Variants in NEDD4 observed in about 807,000 individuals in gnomAD.
The protein encoded by NEDD4 is E3 ubiquitin-protein ligase NEDD4.
NEDD4 carries 99 observed loss-of-function variants against 144.9 expected under a neutral mutation model. The observed-to-expected ratio is 0.68, with a 90% CI of 0.58 to 0.81. The LOEUF is 0.81. NEDD4 is among the 30% of genes least tolerant of loss of function. The pLI is 0.00. For missense variants in NEDD4, 985 were observed against 1,065.9 expected (o/e 0.92, Z 1.06); for synonymous variants, 318 against 350.6 (o/e 0.91, Z 1.04).
At chr15:55,894,007 T>G (rs2035656802) in intron 5 of NEDD4, among the ~76,000 whole-genome samples, 1 of 152,104 alleles carries the variant, frequency 6.6e-6, no homozygotes, top group Non-Finnish European at 1.5e-5. Context: ...AGTCAATCTT[T>G]CTATATGTCA....
intron 4 of NEDD4, among the ~76,000 whole-genome samples, chr15:55,950,465 T>C (rs1356110292): frequency 1.3e-5 from 2 of 152,224 alleles, no homozygotes; most frequent in Non-Finnish European, 2.9e-5. Context: ...TTTTCCTTAC[T>C]GAAATCAAGT....
chr15:55,920,589 A>G (rs565426602), intron 5 of NEDD4, among the ~76,000 whole-genome samples: 81 of 152,336 alleles, frequency 5.3e-4, no homozygotes, highest in Non-Finnish European at 8.7e-4. Flanking sequence ...TTGAAAGCAA[A>G]TATCACTTAC....
chr15:55,930,008 T>G (rs979280057), intron 4 of NEDD4, among the ~76,000 whole-genome samples: 2 of 151,942 alleles, frequency 1.3e-5, no homozygotes, highest in Non-Finnish European at 2.9e-5. Context: ...AATAAAAAAC[T>G]AAGTTGAAGG....
At chr15:55,852,660 C>T in intron 12 of NEDD4, 117 bp from the exon 13 acceptor site, 1 of 579,132 alleles carries the variant, frequency 1.7e-6, no homozygotes. Flanking sequence ...CACTCATCTG[C>T]TCTGTTACTA....
chr15:55,869,888 T>TC lies in NEDD4; in HGVS notation c.405-208_405-207insG, dbSNP rs1362044530. ...ATAAATAAATAAATAAATAAATAAATAAATAATTGTTATGACACAAAGAAG... is the reference window on the plus strand; with the variant it reads ...ATAAATAAATAAATAAATAAATAAATCAAATAATTGTTATGACACAAAGAAG... On this transcript the variant is annotated intron_variant, in intron 7 of 28. Coordinates refer to ENST00000435532, the MANE Select transcript of NEDD4 (RefSeq NM_006154.4). Among the ~76,000 whole-genome samples the TC allele has an allele frequency of 4.5e-3, 678 of 149,524 alleles. 5 individuals are homozygous for TC. The highest frequency in any genetic ancestry group is 0.015 in the African/African-American group (629 of 40,940).
intron 2 of NEDD4, among the ~76,000 whole-genome samples, chr15:55,965,328 T>G (rs748121665): frequency 6.6e-6 from 1 of 151,868 alleles, no homozygotes; most frequent in African/African-American, 2.4e-5. Flanking sequence ...CAGTCACCCA[T>G]GTAGCCAGGA....
At chr15:55,874,082 C>T in intron 5 of NEDD4, 74 bp from the exon 6 acceptor site, 2 of 785,380 alleles carry the variant, frequency 2.5e-6, no homozygotes, top group Non-Finnish European at 4.1e-6. Flanking sequence ...GAGATAGTGC[C>T]ACCATTCACA....
intron 1 of NEDD4, among the ~76,000 whole-genome samples, chr15:55,983,783 G>C (rs750887251): frequency 6.6e-6 from 1 of 151,746 alleles, no homozygotes; most frequent in Non-Finnish European, 1.5e-5. Context: ...GCTAATTTTT[G>C]TATTTTTGGT....
chr15:55,885,325 A>G (rs1176552749), intron 5 of NEDD4, among the ~76,000 whole-genome samples: 2 of 152,206 alleles, frequency 1.3e-5, no homozygotes, highest in African/African-American at 4.8e-5. Flanking sequence ...CTGAAAGAAA[A>G]GGATATTAAT....
At chr15:55,915,287 G>A in intron 5 of NEDD4, 1 of 1,556,010 alleles carries the variant, frequency 6.4e-7, no homozygotes, top group Non-Finnish European at 8.6e-7. Context: ...AACTTACCTT[G>A]CAAGAATTAG....
At chr15:55,867,393 G>T (rs1438919453) in intron 8 of NEDD4, among the ~76,000 whole-genome samples, 1 of 152,174 alleles carries the variant, frequency 6.6e-6, no homozygotes, top group Non-Finnish European at 1.5e-5. Flanking sequence ...ACCGCAAAAT[G>T]AAGTGAAGCA....
At chr15:55,886,855 A>T (rs1305244245) in intron 5 of NEDD4, among the ~76,000 whole-genome samples, 1 of 152,158 alleles carries the variant, frequency 6.6e-6, no homozygotes, top group Non-Finnish European at 1.5e-5. Flanking sequence ...TGGAAATGAT[A>T]CAAAAACATC....
At position 55,848,865 on chromosome 15, in the gene NEDD4, G is replaced by T; in HGVS notation, c.1369C>A (p.Pro457Thr). The T allele has an allele frequency of 1.9e-6, 3 of 1,613,680 alleles. No homozygotes were observed. Among genetic ancestry groups the T allele is most frequent in the Non-Finnish European group, 2.5e-6 (3 of 1,179,742 alleles). Residue 457 changes from proline (P) to threonine (T), a missense_variant, in exon 15 of 29, where the codon CCA (proline) becomes ACA (threonine). Coordinates refer to ENST00000435532, the MANE Select transcript of NEDD4 (RefSeq NM_006154.4). ...GATGTCTTTCCTCTCAGATGGGCTGGAATTTTCAATCTTGGATCTTCCTTT... is the reference window on the plus strand; with the variant it reads ...GATGTCTTTCCTCTCAGATGGGCTGTAATTTTCAATCTTGGATCTTCCTTT... ...TTWEDPRLKIPAHLRGKTSLD... is the reference protein window; with the variant it reads ...TTWEDPRLKITAHLRGKTSLD...
chr15:55,865,405 A>ACAAACTT (rs1321192139), intron 8 of NEDD4, among the ~76,000 whole-genome samples: 1 of 152,104 alleles, frequency 6.6e-6, no homozygotes, highest in African/African-American at 2.4e-5. Flanking sequence ...AGTAGTAGTA[A>ACAAACTT]CAAACTTTTG....
At chr15:55,849,517 C>T (rs1483672805) in intron 14 of NEDD4, among the ~76,000 whole-genome samples, 1 of 151,982 alleles carries the variant, frequency 6.6e-6, no homozygotes, top group African/African-American at 2.4e-5. Context: ...TGGCCCTGGA[C>T]CACATGATAT....
At chr15:55,953,759 T>C (rs1303314053) in intron 2 of NEDD4, among the ~76,000 whole-genome samples, 1 of 147,906 alleles carries the variant, frequency 6.8e-6, no homozygotes, top group Non-Finnish European at 1.5e-5. Flanking sequence ...TCTTGCTCTG[T>C]CGCCAGGCTG....
At chr15:55,911,677 G>C (rs1300094549) in intron 5 of NEDD4, among the ~76,000 whole-genome samples, 4 of 151,820 alleles carry the variant, frequency 2.6e-5, no homozygotes, top group African/African-American at 9.7e-5. Context: ...CTACAGGCGC[G>C]CGCCACCATG....
intron 4 of NEDD4, among the ~76,000 whole-genome samples, chr15:55,933,681 TA>T (rs1174076613): frequency 6.4e-4 from 94 of 146,774 alleles, no homozygotes; most frequent in African/African-American, 1.4e-3. Context: ...ACTTAAAGTA[TA>T]AAAAAAAAAA....
At chr15:55,945,747 G>C (rs1213353430) in intron 4 of NEDD4, among the ~76,000 whole-genome samples, 1 of 151,976 alleles carries the variant, frequency 6.6e-6, no homozygotes, top group African/African-American at 2.4e-5. Context: ...AAAATGTTAA[G>C]GGCGGCCACA....
Sources: gnomAD v4.1 joint callset for allele counts (sites outside exome capture counted in the v4.1 genomes callset) on GRCh38, gnomAD v4.1.1 for gene constraint, MANE v1.5 for transcripts, NCBI Gene and HGNC (gene_info 2026-07-23, HGNC 2026-07-21) for gene names.